CPED1: variants seen among roughly 807,000 people sequenced by gnomAD.
CPED1 encodes cadherin like and PC-esterase domain containing 1.
Under a neutral mutation model 128.2 loss-of-function variants are expected in CPED1, and 114 were observed. The ratio of observed to expected loss-of-function variants is 0.89; its 90% CI spans 0.76 to 1.04. The LOEUF (loss-of-function observed/expected upper bound fraction) is 1.04, where lower values mean the gene tolerates loss of function less well. Among genes scored for constraint, CPED1 ranks in the 50% least tolerant of loss-of-function variants. CPED1 has a pLI of 0.00. For synonymous variants in CPED1, 462 were observed against 426.7 expected, an observed-to-expected ratio of 1.08 and a Z score of -1.02; for missense variants, 1,211 against 1,207.1, an observed-to-expected ratio of 1.00 and a Z score of -0.05.
intron 3 of CPED1, among the ~76,000 whole-genome samples, chr7:121,036,301 A>G (rs1792886361): frequency 6.6e-6 from 1 of 151,988 alleles, no homozygotes; most frequent in East Asian, 1.9e-4. Flanking sequence ...AAATCCCCAC[A>G]TTCCAGTGTA....
intron 14 of CPED1, 41 bp from the exon 15 acceptor site, chr7:121,140,786 C>A (rs1320502610): frequency 1.4e-6 from 2 of 1,424,916 alleles, no homozygotes; most frequent in Non-Finnish European, 1.9e-6. Context: ...TATTTACCCA[C>A]TTCACAGTTG....
chr7:121,267,229 A>G lies in CPED1; in HGVS notation c.2648A>G (p.Asn883Ser), dbSNP rs1792144208. The G allele has an allele frequency of 2.5e-6, 4 of 1,585,308 alleles. No homozygotes were observed. The highest frequency in any genetic ancestry group is 3.5e-6 in the Non-Finnish European group (4 of 1,159,040). Residue 883 changes from asparagine (N) to serine (S), a missense_variant, in exon 21 of 23, where the codon AAT (asparagine) becomes AGT (serine). Transcript: ENST00000310396. ...HKVLKRENLL[N>S]ILVIIKTLGI... ...ATCTCATTCAGGGAAAATTTACTCA[A>G]TATCCTAGTGATCATCAAAACTTTG...
chr7:121,039,925 A>G (rs1793005571), intron 3 of CPED1, among the ~76,000 whole-genome samples: 1 of 152,088 alleles, frequency 6.6e-6, no homozygotes, highest in African/African-American at 2.4e-5. Flanking sequence ...TGAGTAGCTT[A>G]GAAAAATTTA....
intron 3 of CPED1, among the ~76,000 whole-genome samples, chr7:121,018,490 A>G (rs1395550518): frequency 6.6e-6 from 1 of 152,098 alleles, no homozygotes; most frequent in Non-Finnish European, 1.5e-5. Context: ...ACTTCCTTTT[A>G]CCACAGCATT....
chr7:121,027,048 C>T (rs1309656022), intron 3 of CPED1, among the ~76,000 whole-genome samples: 1 of 151,072 alleles, frequency 6.6e-6, no homozygotes, highest in Non-Finnish European at 1.5e-5. Flanking sequence ...ACTATGTTAC[C>T]CAGACTGGTG....
chr7:121,175,305 G>C (rs1796748929), intron 16 of CPED1, among the ~76,000 whole-genome samples: 1 of 152,090 alleles, frequency 6.6e-6, no homozygotes. Context: ...TTTTCAAGGG[G>C]AATGCTTCCA....
At chr7:121,059,697 C>T (rs201424584) in intron 4 of CPED1, among the ~76,000 whole-genome samples, 3 of 151,976 alleles carry the variant, frequency 2.0e-5, no homozygotes, top group African/African-American at 7.3e-5. Flanking sequence ...TATATTTTTG[C>T]CTTATTAACA....
At chr7:121,049,461 G>A (rs1793293275) in intron 4 of CPED1, among the ~76,000 whole-genome samples, 1 of 152,204 alleles carries the variant, frequency 6.6e-6, no homozygotes, top group African/African-American at 2.4e-5. Context: ...TCTCTTGCCA[G>A]TGCCTCCCAT....
chr7:121,205,371 T>C (rs896444883), intron 16 of CPED1, among the ~76,000 whole-genome samples: 5 of 152,090 alleles, frequency 3.3e-5, no homozygotes, highest in African/African-American at 7.2e-5. Context: ...TTTTTCACCC[T>C]ATAAGTAATT....
chr7:121,071,066 A>C (rs1793977188), intron 5 of CPED1, among the ~76,000 whole-genome samples: 1 of 152,156 alleles, frequency 6.6e-6, no homozygotes, highest in Non-Finnish European at 1.5e-5. Context: ...GAGGCCAGAT[A>C]ACCTGCACCT....
chr7:121,175,956 A>G (rs1245943208), intron 16 of CPED1, among the ~76,000 whole-genome samples: 1 of 152,010 alleles, frequency 6.6e-6, no homozygotes, highest in East Asian at 1.9e-4. Context: ...TCAGAGAAAC[A>G]GTGGCAGCAG....
At position 121,266,265 on chromosome 7, in the gene CPED1, G is replaced by C. The variant is rs940240594; in HGVS notation, c.2349G>C (p.Met783Ile). 6.2e-7 allele frequency: 1 copy of C among 1,612,884 alleles called. No homozygotes were observed. The highest frequency in any genetic ancestry group is 1.3e-5 in the African/African-American group (1 of 74,838). Residue 783 changes from methionine (M) to isoleucine (I), a missense_variant, in exon 19 of 23, where the codon ATG (methionine) becomes ATC (isoleucine). Transcript: ENST00000310396. ...FIGDSTNRGIMYYLIERLNET... is the reference protein window; with the variant it reads ...FIGDSTNRGIIYYLIERLNET... Reference sequence around the variant, plus strand: ...GAGATTCAACCAACAGAGGGATCATGTACTATCTTATTGAAAGGCTGAATG... The same window carrying C: ...GAGATTCAACCAACAGAGGGATCATCTACTATCTTATTGAAAGGCTGAATG...
At chr7:121,123,186 C>T (rs146259158) in intron 7 of CPED1, among the ~76,000 whole-genome samples, 11 of 152,206 alleles carry the variant, frequency 7.2e-5, no homozygotes, top group East Asian at 1.9e-4. Context: ...ATACTAATGA[C>T]GCATTCTTAG....
rs34017549 is a variant in CPED1, at chr7:121,050,460, G to GTTTT, written c.540+3484_540+3487dup. Reference sequence around the variant, plus strand: ...TATTGGTATTTTGGGGGCAATATAGGTTTTTTTTTTTTTTTTTTTTGAGAT... The same window carrying GTTTT: ...TATTGGTATTTTGGGGGCAATATAGGTTTTTTTTTTTTTTTTTTTTTTTTGAGAT... On this transcript the variant is annotated intron_variant, in intron 4 of 22. Transcript: ENST00000310396. The GTTTT allele has an allele frequency of 2.8e-3, 299 of 108,416 alleles. 12 individuals carry two copies. Among genetic ancestry groups the GTTTT allele is most frequent in the African/African-American group, 3.0e-3 (82 of 27,158 alleles). The allele number at this position is 108,416 out of a possible 1,614,324, so 6.7% of individuals were successfully genotyped here. A position where few individuals can be genotyped will look rare whatever the true frequency, so the allele number is the denominator to read the frequency against.
chr7:121,164,577 T>A (rs1189895575), intron 16 of CPED1, among the ~76,000 whole-genome samples: 1 of 152,182 alleles, frequency 6.6e-6, no homozygotes, highest in Non-Finnish European at 1.5e-5. Context: ...ATCTAGTGAC[T>A]TTCCAGCTGA....
chr7:121,215,134 T>A lies in CPED1; in HGVS notation c.2056-21580T>A, dbSNP rs1363062478. Among the ~76,000 whole-genome samples, 3 of 152,052 alleles carry A rather than the reference T, an allele frequency of 2.0e-5. No individual in the cohort carries two copies. In the East Asian group the frequency reaches 5.8e-4, roughly 30 times the overall value. ...AATTTTCAACCATGTTCCGATGCCA[T>A]ACATTTATGGTTATGACAGGTGAGC... is the stretch of plus-strand genomic sequence containing the variant. On this transcript the variant is annotated intron_variant, in intron 16 of 22. Transcript: ENST00000310396.
At chr7:121,035,857 AAT>A (rs1049520764) in intron 3 of CPED1, among the ~76,000 whole-genome samples, 8 of 152,072 alleles carry the variant, frequency 5.3e-5, no homozygotes, top group South Asian at 2.1e-4. Flanking sequence ...AATAAAAAAA[AAT>A]AAATAAAAAG....
intron 7 of CPED1, among the ~76,000 whole-genome samples, chr7:121,117,724 A>G (rs1033575823): frequency 5.1e-4 from 77 of 152,222 alleles, no homozygotes; most frequent in African/African-American, 1.5e-3. Context: ...ATTTTGAGAG[A>G]GTCACTGCCC....
rs1428207969 is a variant in CPED1, at chr7:121,180,624, T to C, written c.2055+38483T>C. ...CTTTCTGTTCTTCTTTCATATACTA[T>C]TATTAGCCCGAGATTTTCATGCTCC... On this transcript the variant is annotated intron_variant, in intron 16 of 22. Transcript: ENST00000310396. Among the ~76,000 whole-genome samples, 4 of 151,996 alleles carry C rather than the reference T, an allele frequency of 2.6e-5. No individual in the cohort carries two copies. The East Asian group carries it at 7.7e-4, about 29-fold the overall frequency.
Sources: allele counts gnomAD v4.1 joint callset (sites outside exome capture counted in the v4.1 genomes callset), GRCh38; gene constraint gnomAD v4.1.1; transcripts MANE v1.5; gene names NCBI Gene and HGNC (gene_info 2026-07-23, HGNC 2026-07-21).